Variants in NEK1 observed in about 807,000 individuals in gnomAD.
NEK1 encodes the protein serine/threonine-protein kinase Nek1.
In NEK1, 137 loss-of-function variants were observed where a neutral mutation model predicts 182.1. The observed-to-expected ratio is 0.75, with a 90% CI of 0.65 to 0.87. The LOEUF is 0.87. Ranked by LOEUF, NEK1 falls within the 40% of genes least tolerant of loss-of-function variation. The pLI is 0.00. For missense variants in NEK1, 1,391 were observed against 1,494.4 expected (o/e 0.93, Z 1.14); for synonymous variants, 513 against 492.2 (o/e 1.04, Z -0.56).
At chr4:169,492,887 A>G (rs1750375870) in intron 23 of NEK1, among the ~76,000 whole-genome samples, 1 of 152,158 alleles carries the variant, frequency 6.6e-6, no homozygotes, top group Non-Finnish European at 1.5e-5. Flanking sequence ...GTGCAGCACT[A>G]ACCACTGAAG....
chr4:169,498,002 G>A (rs1394668852), intron 23 of NEK1, among the ~76,000 whole-genome samples: 3 of 152,114 alleles, frequency 2.0e-5, no homozygotes, highest in Admixed American at 6.5e-5. Flanking sequence ...GTTGACAATG[G>A]GGTGTTAAAG....
At chr4:169,557,762 A>C (rs753579644) in intron 16 of NEK1, among the ~76,000 whole-genome samples, 2 of 151,974 alleles carry the variant, frequency 1.3e-5, no homozygotes, top group Non-Finnish European at 2.9e-5. Context: ...GCGAAACAAC[A>C]TCCCTGCAAA....
chr4:169,603,694 C>A (rs924103808), intron 2 of NEK1, among the ~76,000 whole-genome samples: 3 of 147,388 alleles, frequency 2.0e-5, no homozygotes, highest in African/African-American at 7.7e-5. Context: ...AATTCTTCCA[C>A]ATTTATTGAA....
At chr4:169,528,750 A>G (rs978556714) in intron 19 of NEK1, among the ~76,000 whole-genome samples, 11 of 152,226 alleles carry the variant, frequency 7.2e-5, no homozygotes, top group Non-Finnish European at 1.0e-4. Context: ...ATGGATCAAG[A>G]AGAATAAAAC....
Position 169,556,185 on chromosome 4 carries a change from C to T in NEK1, c.1267-90G>A, listed in dbSNP as rs895683801. The stretch of plus-strand genomic sequence containing the variant: ...TCAAAAGAAAAAGTAAATTTCAATG[C>T]TTCACTTTTAAAAAGTAATTACTTA... On this transcript the variant is annotated intron_variant, in intron 16 of 35. Coordinates refer to ENST00000507142, the MANE Select transcript of NEK1 (RefSeq NM_001199397.3). 1.0e-5 allele frequency: 12 copies of T among 1,190,488 alleles called. 1 individual carries two copies. Among genetic ancestry groups the T allele is most frequent in the East Asian group, 5.2e-5 (2 of 38,658 alleles). 73.7% of individuals were successfully genotyped at this position (1,190,488 alleles called of 1,614,324 possible).
intron 29 of NEK1, among the ~76,000 whole-genome samples, chr4:169,431,381 G>C (rs1737402406): frequency 6.6e-6 from 1 of 152,052 alleles, no homozygotes; most frequent in Non-Finnish European, 1.5e-5. Flanking sequence ...GTAGGAAGAA[G>C]CCTTCACTCA....
chr4:169,543,613 C>G (rs1482712574), intron 18 of NEK1, among the ~76,000 whole-genome samples: 4 of 152,164 alleles, frequency 2.6e-5, no homozygotes, highest in Non-Finnish European at 5.9e-5. Flanking sequence ...TCTTCCTATC[C>G]ATGAGCATGG....
rs376766489 is a variant in NEK1 at position 169,591,845 on chromosome 4, A to T, written c.313-1036T>A. Among the ~76,000 whole-genome samples, 18 of 152,298 alleles carry T rather than the reference A, an allele frequency of 1.2e-4. No homozygotes were observed. In the South Asian group the frequency reaches 3.7e-3, roughly 32 times the overall value. On this transcript the variant is annotated intron_variant, in intron 5 of 35. Transcript: ENST00000507142. ...GAGCAAAATACATATAATCAAGTTT[A>T]ATAATAATTTGAGAAAATACCTGCA...
intron 2 of NEK1, among the ~76,000 whole-genome samples, chr4:169,603,376 T>C (rs1158190302): frequency 6.6e-6 from 1 of 152,178 alleles, no homozygotes; most frequent in East Asian, 1.9e-4. Context: ...TGAGAAGCAA[T>C]AAAGGGTAGT....
chr4:169,608,396 A>C (rs1342570520), intron 2 of NEK1, among the ~76,000 whole-genome samples: 2 of 152,220 alleles, frequency 1.3e-5, no homozygotes, highest in African/African-American at 4.8e-5. Context: ...ATGTGGGGAA[A>C]AAAAGTTAAT....
chr4:169,420,271 C>T (rs1222023067), intron 31 of NEK1, among the ~76,000 whole-genome samples: 1 of 152,188 alleles, frequency 6.6e-6, no homozygotes, highest in African/African-American at 2.4e-5. Context: ...ACACTATACA[C>T]TGAAATACCT....
chr4:169,605,034 C>CAA (rs33967814), intron 2 of NEK1, among the ~76,000 whole-genome samples: 1 of 150,602 alleles, frequency 6.6e-6, no homozygotes, highest in African/African-American at 2.4e-5. Context: ...ATGCTACTTA[C>CAA]AAAAAAAAAT....
At chr4:169,399,969 A>C in intron 35 of NEK1, 1 of 426,794 alleles carries the variant, frequency 2.3e-6, no homozygotes, top group East Asian at 5.2e-5. Flanking sequence ...CTATCTAGTA[A>C]GATTTTTAAA....
intron 19 of NEK1, among the ~76,000 whole-genome samples, chr4:169,520,979 C>A (rs1167544801): frequency 2.3e-5 from 1 of 44,398 alleles, no homozygotes; most frequent in Non-Finnish European, 4.5e-5. Context: ...TGCCCTGCCC[C>A]CAGAGGTGGA....
intron 23 of NEK1, among the ~76,000 whole-genome samples, chr4:169,491,340 C>G (rs543184107): frequency 2.0e-4 from 30 of 151,840 alleles, no homozygotes; most frequent in African/African-American, 7.2e-4. Flanking sequence ...AAGTAAAAGA[C>G]AAAGAATTTT....
At chr4:169,545,950 T>C (rs1760355723) in intron 18 of NEK1, among the ~76,000 whole-genome samples, 1 of 152,308 alleles carries the variant, frequency 6.6e-6, no homozygotes, top group African/African-American at 2.4e-5. Flanking sequence ...GAACATTCCA[T>C]GCTCACGGGT....
At chr4:169,579,694 C>A (rs1766285483) in intron 11 of NEK1, among the ~76,000 whole-genome samples, 1 of 151,466 alleles carries the variant, frequency 6.6e-6, no homozygotes, top group Non-Finnish European at 1.5e-5. Flanking sequence ...GAGGCCGAGG[C>A]AGGTGAATCC....
At chr4:169,549,319 T>C (rs1362791667) in intron 18 of NEK1, among the ~76,000 whole-genome samples, 1 of 152,180 alleles carries the variant, frequency 6.6e-6, no homozygotes, top group Non-Finnish European at 1.5e-5. Flanking sequence ...TGAGATGAAC[T>C]GGGTACCTCA....
chr4:169,394,529 GA>G lies in NEK1; in HGVS notation c.3848-7del. The G allele has an allele frequency of 7.3e-7, 1 of 1,378,556 alleles. No individual in the cohort carries two copies. The highest frequency in any genetic ancestry group is 1.0e-6 in the Non-Finnish European group (1 of 1,004,934). 85.4% of individuals were successfully genotyped at this position (1,378,556 alleles called of 1,614,324 possible). A position where few individuals can be genotyped will look rare whatever the true frequency, so the allele number is the denominator to read the frequency against. On this transcript the variant is annotated splice_region_variant and splice_polypyrimidine_tract_variant and intron_variant, in intron 35 of 35. Coordinates refer to ENST00000507142, the MANE Select transcript of NEK1 (RefSeq NM_001199397.3). ...TGAGGATTATTCATCATTATCTGTA[GA>G]AAAAAGAAAAAAATTGACTTCATTT...
Sources: allele counts gnomAD v4.1 joint callset (sites outside exome capture counted in the v4.1 genomes callset), GRCh38; gene constraint gnomAD v4.1.1; transcripts MANE v1.5; gene names NCBI Gene and HGNC (gene_info 2026-07-23, HGNC 2026-07-21).